Variants in EDA observed in about 807,000 individuals in gnomAD.
EDA encodes ectodysplasin-A.
In EDA, 2 loss-of-function variants were observed where a neutral mutation model predicts 23.6. The observed-to-expected ratio is 0.08, with a 90% CI of 0.03 to 0.27. The LOEUF (loss-of-function observed/expected upper bound fraction) is 0.27, where lower values mean the gene tolerates loss of function less well. EDA is among the 10% of genes least tolerant of loss of function. The probability of loss-of-function intolerance (pLI) is 1.00; values close to 1 mark genes in which losing one functional copy is unlikely to be tolerated. For missense variants in EDA, 229 were observed against 324.2 expected (o/e 0.71, Z 2.26); for synonymous variants, 131 against 132.0 (o/e 0.99, Z 0.05).
chrX:69,787,874 T>C (rs2015250023), intron 1 of EDA, among the ~76,000 whole-genome samples: 1 of 111,769 alleles, frequency 8.9e-6, no homozygotes, highest in Non-Finnish European at 1.9e-5. Flanking sequence ...CTGGATAATA[T>C]CCTGCAGAGT....
intron 2 of EDA, among the ~76,000 whole-genome samples, chrX:69,993,102 A>G (rs756289960): frequency 1.8e-5 from 2 of 109,797 alleles, no homozygotes; most frequent in Non-Finnish European, 3.8e-5. Flanking sequence ...ATCATGTTTC[A>G]CGTTCCCATA....
At chrX:69,959,224 T>C (rs2019064799) in intron 2 of EDA, among the ~76,000 whole-genome samples, 1 of 112,167 alleles carries the variant, frequency 8.9e-6, no homozygotes, top group African/African-American at 3.2e-5. Context: ...AGTCAGTCAC[T>C]AGACTCTAGT....
At chrX:69,721,465 G>A (rs1288664761) in intron 1 of EDA, among the ~76,000 whole-genome samples, 1 of 111,666 alleles carries the variant, frequency 9.0e-6, no homozygotes, top group Non-Finnish European at 1.9e-5. Context: ...TCTCCTATAG[G>A]TTCAGCCTTG....
At chrX:69,787,250 G>T (rs1399925316) in intron 1 of EDA, among the ~76,000 whole-genome samples, 3 of 100,305 alleles carry the variant, frequency 3.0e-5, no homozygotes, top group African/African-American at 1.1e-4. Flanking sequence ...TATCCAATTT[G>T]CCAGTCTGTG....
At chrX:69,726,612 C>T (rs2012813693) in intron 1 of EDA, among the ~76,000 whole-genome samples, 1 of 112,585 alleles carries the variant, frequency 8.9e-6, no homozygotes, top group African/African-American at 3.2e-5. Context: ...GCTGTTGTAA[C>T]AAAGTACCAT....
intron 2 of EDA, among the ~76,000 whole-genome samples, chrX:69,982,217 A>G (rs1268121081): frequency 2.7e-5 from 3 of 111,639 alleles, no homozygotes; most frequent in East Asian, 2.8e-4. Context: ...AGCAGCTGCT[A>G]TTGCAACCTC....
At chrX:69,956,879 G>T in intron 1 of EDA, 148 bp from the exon 2 acceptor site, 1 of 503,454 alleles carries the variant, frequency 2.0e-6, no homozygotes. Context: ...AAAATAAAAT[G>T]GTTTGTACAG....
intron 1 of EDA, among the ~76,000 whole-genome samples, chrX:69,730,034 A>T (rs1377868574): frequency 1.1e-4 from 12 of 110,971 alleles, no homozygotes; most frequent in African/African-American, 3.6e-4. Flanking sequence ...TTTAATTTTT[A>T]AAATTTTTTT....
chrX:69,979,210 C>A (rs182520062), intron 2 of EDA, among the ~76,000 whole-genome samples: 47 of 112,029 alleles, frequency 4.2e-4, no homozygotes, highest in Non-Finnish European at 7.5e-4. Flanking sequence ...CAAGGTCCAT[C>A]TGCGTTATAG....
intron 1 of EDA, among the ~76,000 whole-genome samples, chrX:69,711,944 G>C (rs1423428151): frequency 3.6e-5 from 4 of 111,068 alleles, no homozygotes; most frequent in Non-Finnish European, 3.8e-5. Context: ...CAAAAAACCA[G>C]CTCCTGGATT....
intron 1 of EDA, among the ~76,000 whole-genome samples, chrX:69,903,589 A>ACG (rs2018127835): frequency 1.0e-5 from 1 of 96,538 alleles, no homozygotes; most frequent in Non-Finnish European, 2.1e-5. Context: ...GCACACACAC[A>ACG]CACATAAACA....
At chrX:69,636,585 G>A (rs1932777690) in intron 1 of EDA, among the ~76,000 whole-genome samples, 1 of 107,079 alleles carries the variant, frequency 9.3e-6, no homozygotes, top group South Asian at 4.2e-4. Flanking sequence ...TGTCCACAAT[G>A]CCTAGAACAA....
intron 1 of EDA, among the ~76,000 whole-genome samples, chrX:69,695,505 CTTCT>C (rs1422571791): frequency 1.1e-5 from 1 of 89,193 alleles, no homozygotes; most frequent in African/African-American, 3.7e-5. Flanking sequence ...TCCTTCTTTC[CTTCT>C]TTCTTTTTTT....
chrX:69,938,142 T>A (rs1183988945), intron 1 of EDA: 2 of 668,555 alleles, frequency 3.0e-6, no homozygotes, highest in Non-Finnish European at 4.4e-6. Flanking sequence ...CTCCTCCTCC[T>A]CCCCCTGGCC....
chrX:69,758,149 A>G (rs2014181905), intron 1 of EDA, among the ~76,000 whole-genome samples: 1 of 112,492 alleles, frequency 8.9e-6, no homozygotes, highest in African/African-American at 3.2e-5. Flanking sequence ...CCTCTTTGGA[A>G]CTGTCCTTTA....
intron 1 of EDA, among the ~76,000 whole-genome samples, chrX:69,954,083 G>A (rs997706629): frequency 3.6e-5 from 4 of 110,998 alleles, no homozygotes; most frequent in Non-Finnish European, 7.6e-5. Context: ...TTTCAAAAGG[G>A]AAAAAATCCT....
At chrX:70,011,189 T>C (rs1387144581) in intron 2 of EDA, among the ~76,000 whole-genome samples, 3 of 111,691 alleles carry the variant, frequency 2.7e-5, no homozygotes, top group Non-Finnish European at 3.8e-5. Context: ...GTTTGATACA[T>C]ACATTTGCAA....
At chrX:69,835,041 C>A (rs1156895033) in intron 1 of EDA, among the ~76,000 whole-genome samples, 1 of 77,148 alleles carries the variant, frequency 1.3e-5, no homozygotes. Flanking sequence ...AAATATCGGA[C>A]CCCACTCTCT....
intron 1 of EDA, among the ~76,000 whole-genome samples, chrX:69,948,894 T>C (rs146453813): frequency 1.7e-3 from 192 of 111,825 alleles, no homozygotes; most frequent in Middle Eastern, 9.3e-3. Context: ...TGCCATCTTT[T>C]GTAATCATTT....
Sources: gnomAD v4.1 joint callset for allele counts (sites outside exome capture counted in the v4.1 genomes callset) on GRCh38, gnomAD v4.1.1 for gene constraint, MANE v1.5 for transcripts, NCBI Gene and HGNC (gene_info 2026-07-23, HGNC 2026-07-21) for gene names.